The following TLK1 variants were observed in gnomAD, a reference collection of about 807,000 sequenced individuals.
TLK1 encodes serine/threonine-protein kinase tousled-like 1.
In TLK1, 24 loss-of-function variants were observed where a neutral mutation model predicts 105.3. The observed-to-expected ratio is 0.23, with a 90% CI of 0.17 to 0.32. The LOEUF (loss-of-function observed/expected upper bound fraction) is 0.32, where lower values mean the gene tolerates loss of function less well. TLK1 is among the 10% of genes least tolerant of loss of function. The probability of loss-of-function intolerance (pLI) is 1.00; values close to 1 mark genes in which losing one functional copy is unlikely to be tolerated. For missense variants in TLK1, 558 were observed against 910.5 expected (o/e 0.61, Z 4.98); for synonymous variants, 321 against 310.4 (o/e 1.03, Z -0.36).
At chr2:171,040,568 G>GTTTTTTTTTTTTTT (rs59971440) in intron 11 of TLK1, among the ~76,000 whole-genome samples, 1 of 104,308 alleles carries the variant, frequency 9.6e-6, no homozygotes, top group Non-Finnish European at 2.0e-5. Context: ...TTCCTTTTTT[G>GTTTTTTTTTTTTTT]TTTTTTTTTT....
At chr2:171,075,123 T>C (rs1688441010) in intron 3 of TLK1, among the ~76,000 whole-genome samples, 1 of 152,076 alleles carries the variant, frequency 6.6e-6, no homozygotes, top group African/African-American at 2.4e-5. Context: ...TTACCTCTGT[T>C]TTCAAATAGA....
intron 14 of TLK1, among the ~76,000 whole-genome samples, chr2:171,008,237 T>C (rs1298844043): frequency 6.6e-6 from 1 of 152,162 alleles, no homozygotes. Context: ...TCTGTGCTAA[T>C]ACCCTCTCTG....
At chr2:171,105,433 C>A (rs1689877467) in intron 2 of TLK1, among the ~76,000 whole-genome samples, 1 of 152,218 alleles carries the variant, frequency 6.6e-6, no homozygotes. Flanking sequence ...CGCCTGTAAT[C>A]CCAGCACTTT....
intron 1 of TLK1, among the ~76,000 whole-genome samples, chr2:171,132,445 T>TA (rs945543121): frequency 9.2e-5 from 14 of 152,044 alleles, no homozygotes; most frequent in African/African-American, 3.4e-4. Flanking sequence ...TAAAGTTACT[T>TA]ACCCCCCCCA....
intron 1 of TLK1, among the ~76,000 whole-genome samples, chr2:171,124,718 G>A (rs776926291): frequency 4.6e-5 from 7 of 152,160 alleles, no homozygotes; most frequent in Admixed American, 2.0e-4. Flanking sequence ...TTGCTGCTCC[G>A]TATGTATTCT....
At chr2:171,115,689 T>A (rs1050501883) in intron 2 of TLK1, among the ~76,000 whole-genome samples, 1 of 152,202 alleles carries the variant, frequency 6.6e-6, no homozygotes, top group Non-Finnish European at 1.5e-5. Context: ...GTGGTGATAT[T>A]GACTATATGT....
chr2:171,027,963 G>A (rs1386111861), intron 12 of TLK1, among the ~76,000 whole-genome samples: 1 of 152,136 alleles, frequency 6.6e-6, no homozygotes, highest in Non-Finnish European at 1.5e-5. Flanking sequence ...AGGAGTTTGA[G>A]ACCAGCCTGG....
chr2:171,071,327 G>T (rs376889570), intron 3 of TLK1, among the ~76,000 whole-genome samples: 1 of 150,990 alleles, frequency 6.6e-6, no homozygotes, highest in African/African-American at 2.4e-5. Context: ...TCGCTCTGTC[G>T]CCCAGGCTGG....
At chr2:171,033,002 G>A (rs1038051634) in intron 11 of TLK1, among the ~76,000 whole-genome samples, 8 of 152,120 alleles carry the variant, frequency 5.3e-5, no homozygotes, top group African/African-American at 1.9e-4. Flanking sequence ...GAGGCCAGGA[G>A]TTCAAAACCA....
At chr2:171,047,402 C>G (rs374376727) in intron 10 of TLK1, among the ~76,000 whole-genome samples, 1 of 152,150 alleles carries the variant, frequency 6.6e-6, no homozygotes, top group Non-Finnish European at 1.5e-5. Flanking sequence ...TCATGCCCTC[C>G]TCTCCCCAAC....
chr2:171,081,605 G>A lies in TLK1; in HGVS notation c.330+1176C>T. 3.9e-6 allele frequency: 5 copies of A among 1,276,944 alleles called. No individual in the cohort carries two copies. The South Asian group carries it at 6.3e-5, about 16-fold the overall frequency. 79.1% of individuals were successfully genotyped at this position (1,276,944 alleles called of 1,614,324 possible). A position where few individuals can be genotyped will look rare whatever the true frequency, so the allele number is the denominator to read the frequency against. ...ATGTTAATTTTTTAAAAACTAAACT[G>A]ATAATCTGATGCTACAGGGGCTACT... On this transcript the variant is annotated intron_variant, in intron 3 of 20. Coordinates refer to ENST00000431350, the MANE Select transcript of TLK1 (RefSeq NM_012290.5).
intron 1 of TLK1, among the ~76,000 whole-genome samples, chr2:171,184,758 C>T (rs1218944751): frequency 1.3e-5 from 2 of 152,038 alleles, no homozygotes; most frequent in Admixed American, 6.6e-5. Flanking sequence ...TGTATAATTC[C>T]TATTCAATGT....
At chr2:171,034,286 T>C (rs1424056583) in intron 11 of TLK1, among the ~76,000 whole-genome samples, 1 of 152,156 alleles carries the variant, frequency 6.6e-6, no homozygotes, top group Admixed American at 6.5e-5. Context: ...CACACAGAAT[T>C]GTAGACAGGT....
intron 1 of TLK1, among the ~76,000 whole-genome samples, chr2:171,157,912 GATAC>G (rs998294838): frequency 3.9e-5 from 6 of 152,116 alleles, no homozygotes; most frequent in African/African-American, 1.4e-4. Context: ...TTTTCACCGT[GATAC>G]ATACAATACA....
chr2:171,097,839 C>T (rs1417126410), intron 2 of TLK1, among the ~76,000 whole-genome samples: 1 of 151,854 alleles, frequency 6.6e-6, no homozygotes, highest in Non-Finnish European at 1.5e-5. Flanking sequence ...GCAGGAGAAT[C>T]GCTTAAACCT....
At chr2:171,085,810 G>C (rs1158370632) in intron 2 of TLK1, among the ~76,000 whole-genome samples, 1 of 152,112 alleles carries the variant, frequency 6.6e-6, no homozygotes, top group East Asian at 1.9e-4. Context: ...ACTTATTGTT[G>C]ATCAAGATTA....
At chr2:171,138,070 T>C (rs1691410918) in intron 1 of TLK1, among the ~76,000 whole-genome samples, 1 of 152,106 alleles carries the variant, frequency 6.6e-6, no homozygotes, top group Non-Finnish European at 1.5e-5. Context: ...TGAGAACTAA[T>C]GATAAAAAGT....
intron 1 of TLK1, among the ~76,000 whole-genome samples, chr2:171,224,823 T>A (rs1693869950): frequency 6.6e-6 from 1 of 152,188 alleles, no homozygotes; most frequent in Admixed American, 6.6e-5. Flanking sequence ...GCTATAGCAA[T>A]CAAGACAGTG....
intron 13 of TLK1, among the ~76,000 whole-genome samples, chr2:171,012,651 G>A (rs1004062828): frequency 6.6e-6 from 1 of 152,042 alleles, no homozygotes; most frequent in Admixed American, 6.6e-5. Flanking sequence ...GCTAATTTTT[G>A]TATTTTTAAT....
Sources: allele counts gnomAD v4.1 joint callset (sites outside exome capture counted in the v4.1 genomes callset), GRCh38; gene constraint gnomAD v4.1.1; transcripts MANE v1.5; gene names NCBI Gene and HGNC (gene_info 2026-07-23, HGNC 2026-07-21).